SLC25A17: variants seen among roughly 807,000 people sequenced by gnomAD.
SLC25A17 encodes the protein peroxisomal membrane protein PMP34.
SLC25A17 carries 26 observed loss-of-function variants against 38.5 expected under a neutral mutation model. The ratio of observed to expected loss-of-function variants is 0.68; its 90% CI spans 0.50 to 0.94. The LOEUF (loss-of-function observed/expected upper bound fraction) is 0.94. Among genes scored for constraint, SLC25A17 ranks in the 40% least tolerant of loss-of-function variants. The pLI is 0.00. For missense variants in SLC25A17, 333 were observed against 372.7 expected (o/e 0.89, Z 0.88); for synonymous variants, 139 against 136.2 (o/e 1.02, Z -0.14).
chr22:40,770,995 G>A lies in SLC25A17; in HGVS notation c.777-14C>T. 2 of 1,540,242 alleles carry A rather than the reference G, an allele frequency of 1.3e-6. No individual in the cohort carries two copies. The highest frequency in any genetic ancestry group is 1.8e-6 in the Non-Finnish European group (2 of 1,136,568). ...ATTCCAAAACGTCTAAAGGGAAAGA[G>A]GTTTGAAAAAACAGAAGTCAGCTCC... On this transcript the variant is annotated splice_polypyrimidine_tract_variant and intron_variant, in intron 8 of 8. Transcript: ENST00000435456.
intron 1 of SLC25A17, among the ~76,000 whole-genome samples, chr22:40,811,975 T>TAA (rs2057585877): frequency 2.6e-5 from 2 of 78,370 alleles, no homozygotes; most frequent in Non-Finnish European, 2.5e-5. Flanking sequence ...TGGGGGTTCC[T>TAA]CTTTTTTGTG....
intron 1 of SLC25A17, among the ~76,000 whole-genome samples, chr22:40,800,186 GA>G (rs1038373163): frequency 6.6e-6 from 1 of 151,480 alleles, no homozygotes; most frequent in African/African-American, 2.4e-5. Context: ...AATTATCAAT[GA>G]AAAAAAACAA....
At chr22:40,807,996 T>C (rs1001014580) in intron 1 of SLC25A17, among the ~76,000 whole-genome samples, 4 of 152,234 alleles carry the variant, frequency 2.6e-5, no homozygotes, top group African/African-American at 7.2e-5. Context: ...CTCATTTTTT[T>C]CCCCTGAGGA....
chr22:40,784,558 A>G, intron 4 of SLC25A17: 1 of 272,358 alleles, frequency 3.7e-6, no homozygotes, highest in Middle Eastern at 5.2e-4. Flanking sequence ...GAATCTCTTG[A>G]GGCCAGGGGT....
At chr22:40,782,587 T>C (rs2057304592) in intron 4 of SLC25A17, among the ~76,000 whole-genome samples, 2 of 152,200 alleles carry the variant, frequency 1.3e-5, no homozygotes, top group East Asian at 1.9e-4. Context: ...AGTAGGCTAA[T>C]TGGGTATGCA....
At chr22:40,773,291 TC>T (rs1170123339) in intron 8 of SLC25A17, among the ~76,000 whole-genome samples, 1 of 151,398 alleles carries the variant, frequency 6.6e-6, no homozygotes, top group African/African-American at 2.4e-5. Flanking sequence ...GCGCCTGTAG[TC>T]CCAGCTACTT....
Position 40,789,506 on chromosome 22 carries a change from T to C in SLC25A17, c.334+3019A>G, listed in dbSNP as rs372236468. Among the ~76,000 whole-genome samples, 2 of 152,194 alleles carry C rather than the reference T, an allele frequency of 1.3e-5. No homozygotes were observed. Among genetic ancestry groups the C allele is most frequent in the Admixed American group, 6.5e-5 (1 of 15,276 alleles). ...TTTCCCTACCTTTTAAAATATTTTA[T>C]GTTTGTTTGTTTATTTAGAGGTAGA... On this transcript the variant is annotated intron_variant, in intron 4 of 8. Transcript: ENST00000435456. This position sits in a 1 kb window ranked among gnomAD's most constrained non-coding sequence, Gnocchi z 4.5.
At chr22:40,787,421 G>A (rs1388395230) in intron 4 of SLC25A17, among the ~76,000 whole-genome samples, 1 of 152,202 alleles carries the variant, frequency 6.6e-6, no homozygotes, top group Non-Finnish European at 1.5e-5. Flanking sequence ...ACTAGAAGTG[G>A]AAGAGCACAG....
chr22:40,779,833 T>G (rs2057279511), intron 4 of SLC25A17: 1 of 152,700 alleles, frequency 6.5e-6, no homozygotes, highest in Non-Finnish European at 1.5e-5. Flanking sequence ...GTGCTTCTTT[T>G]TTGAAAACAT....
chr22:40,805,558 C>T (rs969064437), intron 1 of SLC25A17, among the ~76,000 whole-genome samples: 1 of 152,152 alleles, frequency 6.6e-6, no homozygotes, highest in Non-Finnish European at 1.5e-5. Context: ...AATCCTGGAA[C>T]ATACTGGAAG....
intron 4 of SLC25A17, among the ~76,000 whole-genome samples, chr22:40,785,181 C>T (rs1435851033): frequency 6.6e-6 from 1 of 152,124 alleles, no homozygotes; most frequent in Non-Finnish European, 1.5e-5. Flanking sequence ...GTCAGGAGTT[C>T]GAGATCAGCC....
intron 2 of SLC25A17, among the ~76,000 whole-genome samples, chr22:40,795,278 C>G (rs536448948): frequency 6.6e-6 from 1 of 151,898 alleles, no homozygotes; most frequent in African/African-American, 2.4e-5. Context: ...AAGGAAAAGA[C>G]GACAGAAAAC....
At chr22:40,784,486 TA>T (rs1380854728) in intron 4 of SLC25A17, 11 of 167,134 alleles carry the variant, frequency 6.6e-5, no homozygotes, top group Admixed American at 2.5e-4. Context: ...TTAAAATAAA[TA>T]TTCAGCTGGG....
chr22:40,770,707 T>C lies in SLC25A17; in HGVS notation c.*127A>G. ...GCCATACTCCCTGTGCACCCTTGGA[T>C]GCTTTTCAAGCCAATGAGGGTAACA... On this transcript the variant is annotated 3_prime_UTR_variant, in exon 9 of 9. Coordinates refer to ENST00000435456, the MANE Select transcript of SLC25A17 (RefSeq NM_006358.4). 1.0e-6 allele frequency: 1 copy of C among 984,110 alleles called. No individual in the cohort carries two copies. Among genetic ancestry groups the C allele is most frequent in the Non-Finnish European group, 1.4e-6 (1 of 696,948 alleles). The allele number at this position is 984,110 out of a possible 1,614,324, so 61.0% of individuals were successfully genotyped here.
chr22:40,789,868 C>A lies in SLC25A17; in HGVS notation c.334+2657G>T, dbSNP rs1284703057. Among the ~76,000 whole-genome samples the A allele has an allele frequency of 6.6e-6, 1 of 151,432 alleles. No individual in the cohort carries two copies. Among genetic ancestry groups the A allele is most frequent in the Non-Finnish European group, 1.5e-5 (1 of 67,836 alleles). ...TGTTGCCCAGGCTGGTCTCAAACTG[C>A]GGGCTCAAGTGATCCTCCTGCCTTG... On this transcript the variant is annotated intron_variant, in intron 4 of 8. Transcript: ENST00000435456. This position sits in a 1 kb window ranked among gnomAD's most constrained non-coding sequence, Gnocchi z 4.5.
intron 2 of SLC25A17, 62 bp from the exon 3 acceptor site, chr22:40,794,642 C>CAA (rs1244772313): frequency 1.1e-5 from 10 of 943,300 alleles, no homozygotes; most frequent in Non-Finnish European, 1.4e-5. Flanking sequence ...TTTTTTGAGA[C>CAA]AGAGTCTCAC....
At position 40,788,891 on chromosome 22, in the gene SLC25A17, TTGC is replaced by T. The variant is rs1481188196; in HGVS notation, c.334+3631_334+3633del. The T allele has an allele frequency of 1.9e-5, 5 of 261,088 alleles. No homozygotes were observed. In the East Asian group the frequency reaches 5.0e-4, roughly 26 times the overall value. 16.2% of individuals were successfully genotyped at this position (261,088 alleles called of 1,614,324 possible). On this transcript the variant is annotated intron_variant, in intron 4 of 8. Transcript: ENST00000435456. ...TAGCTTCCTCAAAAATCACCTTGAA[TTGC>T]TGAAATAAGTGACTCTCATGAATCA... is the stretch of plus-strand genomic sequence containing the variant.
At chr22:40,798,971 G>A (rs902783560) in intron 2 of SLC25A17, 52 bp downstream of exon 2, 29 of 1,186,066 alleles carry the variant, frequency 2.4e-5, no homozygotes, top group East Asian at 1.7e-4. Context: ...AATTACTAGC[G>A]AAAATGTTTG....
chr22:40,806,650 A>G (rs1237416708), intron 1 of SLC25A17, among the ~76,000 whole-genome samples: 2 of 152,212 alleles, frequency 1.3e-5, no homozygotes, highest in East Asian at 1.9e-4. Context: ...TATATTCATA[A>G]TATTATTCAA....
Sources: allele counts gnomAD v4.1 joint callset (sites outside exome capture counted in the v4.1 genomes callset), GRCh38; gene constraint gnomAD v4.1.1; non-coding constraint Gnocchi (gnomAD v3.1); transcripts MANE v1.5; gene names NCBI Gene and HGNC (gene_info 2026-07-23, HGNC 2026-07-21).